PIP4K2A: variants seen among roughly 807,000 people sequenced by gnomAD.
The protein encoded by PIP4K2A is phosphatidylinositol 5-phosphate 4-kinase type-2 alpha.
Under a neutral mutation model 42.9 loss-of-function variants are expected in PIP4K2A, and 14 were observed. The observed-to-expected ratio is 0.33, with a 90% confidence interval of 0.22 to 0.51. The LOEUF (loss-of-function observed/expected upper bound fraction) is 0.51. PIP4K2A is among the 20% of genes least tolerant of loss of function. The pLI is 0.97. For missense variants in PIP4K2A, 434 were observed against 519.8 expected, an observed-to-expected ratio of 0.83 and a Z score of 1.61; for synonymous variants, 192 against 192.2, an observed-to-expected ratio of 1.00 and a Z score of 0.01.
intron 1 of PIP4K2A, among the ~76,000 whole-genome samples, chr10:22,621,746 G>C (rs1227443404): frequency 6.6e-6 from 1 of 152,232 alleles, no homozygotes; most frequent in African/African-American, 2.4e-5. Context: ...TAAGACAATG[G>C]AGAAGGGGAT....
intron 1 of PIP4K2A, among the ~76,000 whole-genome samples, chr10:22,686,199 C>T (rs918929493): frequency 2.6e-5 from 4 of 152,148 alleles, no homozygotes; most frequent in African/African-American, 9.7e-5. Flanking sequence ...TCATTATTCC[C>T]AAAGGCAGTT....
intron 1 of PIP4K2A, among the ~76,000 whole-genome samples, chr10:22,710,452 C>T (rs377575761): frequency 2.6e-5 from 4 of 152,326 alleles, no homozygotes; most frequent in South Asian, 2.1e-4. Context: ...AATCCTTCCA[C>T]GGTATTTTTA....
intron 5 of PIP4K2A, among the ~76,000 whole-genome samples, chr10:22,570,381 A>G (rs1351513198): frequency 6.6e-6 from 1 of 152,222 alleles, no homozygotes; most frequent in Non-Finnish European, 1.5e-5. Flanking sequence ...TCCCTGGGGA[A>G]GTCAGACAGA....
In PIP4K2A at chr10:22,636,845, AACAAGACCATAAGC is replaced by A. The variant is rs1386704127; in HGVS notation, c.145-27142_145-27129del. Reference sequence around the variant, plus strand: ...GGCTTTGGCCAGTGGGCAATCAGCAAACAAGACCATAAGCACAAGCCTGACAAGCACTGAGCCCT... The same window carrying A: ...GGCTTTGGCCAGTGGGCAATCAGCAAACAAGCCTGACAAGCACTGAGCCCT... On this transcript the variant is annotated intron_variant, in intron 1 of 9. Transcript: ENST00000376573. Among the ~76,000 whole-genome samples, 8 of 152,318 alleles carry A rather than the reference AACAAGACCATAAGC, an allele frequency of 5.3e-5. No individual in the cohort carries two copies. The South Asian group carries it at 6.2e-4, about 12-fold the overall frequency.
At chr10:22,592,172 G>A (rs893539487) in intron 3 of PIP4K2A, among the ~76,000 whole-genome samples, 3 of 152,270 alleles carry the variant, frequency 2.0e-5, no homozygotes, top group South Asian at 2.1e-4. Context: ...GACAGGTATC[G>A]TGCCAAGCAT....
rs114803905 is a variant in PIP4K2A at position 22,660,940 on chromosome 10, A to C, written c.145-51223T>G. On this transcript the variant is annotated intron_variant, in intron 1 of 9. Transcript: ENST00000376573. ...TCACTTTACAGACTCGGTGATAACG[A>C]CGTGTCAATGTAGGTTCATCAATTG... Among the ~76,000 whole-genome samples the C allele has an allele frequency of 2.5e-3, 380 of 152,336 alleles. 1 individual carries two copies. Among genetic ancestry groups the C allele is most frequent in the African/African-American group, 8.8e-3 (366 of 41,568 alleles).
chr10:22,628,385 T>A (rs1838489379), intron 1 of PIP4K2A, among the ~76,000 whole-genome samples: 1 of 152,166 alleles, frequency 6.6e-6, no homozygotes, highest in African/African-American at 2.4e-5. Flanking sequence ...TTAGAAAAAG[T>A]CTCAAAAATC....
intron 2 of PIP4K2A, 44 bp downstream of exon 2, chr10:22,609,576 C>A: frequency 9.1e-7 from 1 of 1,101,224 alleles, no homozygotes; most frequent in South Asian, 1.3e-5. Flanking sequence ...ACTTGTACTC[C>A]TAGCAGCCAC....
intron 3 of PIP4K2A, among the ~76,000 whole-genome samples, chr10:22,598,541 C>T (rs1037692352): frequency 2.6e-4 from 40 of 152,176 alleles, no homozygotes; most frequent in Admixed American, 7.9e-4. Flanking sequence ...CTGGCCCCTG[C>T]TCACTTCCCT....
chr10:22,664,152 C>CATATATAT lies in PIP4K2A; in HGVS notation c.144+50030_144+50031insATATATAT, dbSNP rs1350615985. Among the ~76,000 whole-genome samples the CATATATAT allele has an allele frequency of 9.6e-5, 2 of 20,842 alleles. 1 individual carries two copies. Among genetic ancestry groups the CATATATAT allele is most frequent in the African/African-American group, 4.4e-4 (2 of 4,558 alleles). 13.7% of individuals were successfully genotyped at this position (20,842 alleles called of 152,430 possible). A position where few individuals can be genotyped will look rare whatever the true frequency, so the allele number is the denominator to read the frequency against. On this transcript the variant is annotated intron_variant, in intron 1 of 9. Coordinates refer to ENST00000376573, the MANE Select transcript of PIP4K2A (RefSeq NM_005028.5). ...ATACATATATATATACATATATATA[C>CATATATAT]ACATATATATATATACATATATATA...
intron 1 of PIP4K2A, among the ~76,000 whole-genome samples, chr10:22,709,793 A>G (rs1833883820): frequency 6.6e-6 from 1 of 152,194 alleles, no homozygotes; most frequent in Non-Finnish European, 1.5e-5. Context: ...GGAGTATAAA[A>G]CGACTTCCCT....
At chr10:22,537,696 G>C (rs755076250) in intron 9 of PIP4K2A, among the ~76,000 whole-genome samples, 17 of 152,214 alleles carry the variant, frequency 1.1e-4, no homozygotes, top group Non-Finnish European at 1.9e-4. Context: ...TGGCGAAAGG[G>C]AAACCTTAAT....
intron 4 of PIP4K2A, among the ~76,000 whole-genome samples, chr10:22,584,906 G>C (rs1837358390): frequency 6.6e-6 from 1 of 152,158 alleles, no homozygotes; most frequent in African/African-American, 2.4e-5. Flanking sequence ...ATTCAGAACT[G>C]AGTGCTCAGA....
chr10:22,647,840 C>T (rs148911259), intron 1 of PIP4K2A, among the ~76,000 whole-genome samples: 20 of 152,204 alleles, frequency 1.3e-4, no homozygotes, highest in African/African-American at 3.9e-4. Flanking sequence ...GGATTTTACA[C>T]GGCAGAAAAC....
intron 1 of PIP4K2A, among the ~76,000 whole-genome samples, chr10:22,634,208 C>G (rs941113956): frequency 1.3e-5 from 2 of 152,304 alleles, no homozygotes; most frequent in African/African-American, 4.8e-5. Context: ...AAGAGCCCAG[C>G]CAAAGAGGAC....
intron 1 of PIP4K2A, among the ~76,000 whole-genome samples, chr10:22,670,025 C>T (rs1208744246): frequency 6.6e-6 from 1 of 152,126 alleles, no homozygotes; most frequent in East Asian, 1.9e-4. Flanking sequence ...CTTAGTGCTT[C>T]CATTAATTGC....
chr10:22,684,108 A>T (rs1839716532), intron 1 of PIP4K2A, among the ~76,000 whole-genome samples: 1 of 152,008 alleles, frequency 6.6e-6, no homozygotes, highest in Non-Finnish European at 1.5e-5. Context: ...ATCTGTCTGT[A>T]TTACAATTTA....
At chr10:22,548,580 G>A (rs1282407654) in intron 7 of PIP4K2A, among the ~76,000 whole-genome samples, 1 of 152,130 alleles carries the variant, frequency 6.6e-6, no homozygotes, top group Non-Finnish European at 1.5e-5. Flanking sequence ...GTTTACTAAG[G>A]ATACTTATCA....
At chr10:22,647,306 TAC>T (rs1838904059) in intron 1 of PIP4K2A, among the ~76,000 whole-genome samples, 1 of 143,192 alleles carries the variant, frequency 7.0e-6, no homozygotes, top group Non-Finnish European at 1.6e-5. Flanking sequence ...AGTCTCTAAA[TAC>T]TGTGTGTGTG....
Sources: gnomAD v4.1 joint callset for allele counts (sites outside exome capture counted in the v4.1 genomes callset) on GRCh38, gnomAD v4.1.1 for gene constraint, MANE v1.5 for transcripts, NCBI Gene and HGNC (gene_info 2026-07-23, HGNC 2026-07-21) for gene names.